RARB: variants seen among roughly 807,000 people sequenced by gnomAD.
The protein encoded by RARB is retinoic acid receptor beta.
In RARB, 17 loss-of-function variants were observed where a neutral mutation model predicts 51.9. That is an observed-to-expected ratio of 0.33 (90% CI 0.22 to 0.49). The LOEUF is 0.49. Among genes scored for constraint, RARB ranks in the 20% least tolerant of loss-of-function variants. RARB has a pLI of 0.99. For missense variants in RARB, 369 were observed against 550.8 expected (o/e 0.67, Z 3.30); for synonymous variants, 215 against 195.4 (o/e 1.10, Z -0.84).
At position 25,585,134 on chromosome 3, in the gene RARB, G is replaced by A. The variant is rs149490083; in HGVS notation, c.786+4412G>A. Among the ~76,000 whole-genome samples, 65 of 152,186 alleles carry A rather than the reference G, an allele frequency of 4.3e-4. No individual in the cohort carries two copies. The East Asian group carries it at 0.01, about 24-fold the overall frequency. ...TCCCTCTCTGAGCCTCAGTTGCCTC[G>A]TATTTACAATGAAGATGGCAATAGA... On this transcript the variant is annotated intron_variant, in intron 5 of 7. Transcript: ENST00000330688.
At chr3:25,439,309 TA>T (rs35024550) in intron 1 of RARB, among the ~76,000 whole-genome samples, 20,250 of 152,276 alleles carry the variant, frequency 0.13, 1,531 homozygotes, top group Admixed American at 0.22. Flanking sequence ...ATCCCAAACC[TA>T]AGTTAACCAT....
At chr3:25,517,707 G>A (rs1326323084) in intron 3 of RARB, among the ~76,000 whole-genome samples, 4 of 152,164 alleles carry the variant, frequency 2.6e-5, no homozygotes, top group Admixed American at 6.5e-5. Context: ...GCTCATAGAA[G>A]CATTATTCAT....
chr3:25,169,337 C>T (rs1339745006), intron 4 of RARB, among the ~76,000 whole-genome samples: 1 of 152,166 alleles, frequency 6.6e-6, no homozygotes, highest in Admixed American at 6.5e-5. Flanking sequence ...AGCCAATCAG[C>T]CCTGGAGCAG....
intron 2 of RARB, among the ~76,000 whole-genome samples, chr3:24,870,036 A>G (rs571243207): frequency 6.6e-6 from 1 of 152,030 alleles, no homozygotes; most frequent in African/African-American, 2.4e-5. Context: ...TTTACGCTGC[A>G]TTTTTCCATG....
chr3:25,129,323 T>C (rs1426474955), intron 3 of RARB, among the ~76,000 whole-genome samples: 1 of 152,120 alleles, frequency 6.6e-6, no homozygotes, highest in Admixed American at 6.6e-5. Flanking sequence ...ACAATATATA[T>C]TTTAAAGCAT....
intron 2 of RARB, among the ~76,000 whole-genome samples, chr3:24,893,769 C>G (rs1385261884): frequency 1.3e-5 from 2 of 152,032 alleles, no homozygotes; most frequent in Non-Finnish European, 2.9e-5. Flanking sequence ...AAGCAATCCT[C>G]CTACCTTAGT....
At chr3:25,223,827 C>T (rs758032993) in intron 5 of RARB, among the ~76,000 whole-genome samples, 2 of 152,180 alleles carry the variant, frequency 1.3e-5, no homozygotes, top group Non-Finnish European at 2.9e-5. Context: ...AGCACTATCA[C>T]CCGAGTATTT....
intron 5 of RARB, among the ~76,000 whole-genome samples, chr3:25,389,533 C>T (rs921996956): frequency 3.9e-5 from 6 of 152,180 alleles, no homozygotes; most frequent in Non-Finnish European, 7.3e-5. Context: ...TACAGTAATA[C>T]ATGCTGGTCA....
In RARB at chr3:25,574,806, C is replaced by T. The variant is rs113028689; in HGVS notation, c.609+4888C>T. ...GCACTTGTCATGGGTGGACTCGGTG[C>T]GCTTTTTGGAAACTAACATTTGCCA... is the stretch of plus-strand genomic sequence containing the variant. On this transcript the variant is annotated intron_variant, in intron 4 of 7. Transcript: ENST00000330688. Among the ~76,000 whole-genome samples, 419 of 152,128 alleles carry T rather than the reference C, an allele frequency of 2.8e-3. 3 individuals are homozygous for T. The highest frequency in any genetic ancestry group is 9.5e-3 in the African/African-American group (395 of 41,496).
intron 3 of RARB, among the ~76,000 whole-genome samples, chr3:25,111,551 T>C (rs929778338): frequency 3.3e-5 from 5 of 150,450 alleles, no homozygotes; most frequent in African/African-American, 1.2e-4. Context: ...AATTTAAGTC[T>C]CCTAGCTAAA....
At chr3:25,489,854 G>C (rs1018126340) in intron 2 of RARB, among the ~76,000 whole-genome samples, 4 of 152,208 alleles carry the variant, frequency 2.6e-5, no homozygotes, top group Non-Finnish European at 5.9e-5. Context: ...GGGGCAGGTG[G>C]GCTTTAAACC....
chr3:25,220,346 C>G (rs560856280), intron 5 of RARB, among the ~76,000 whole-genome samples: 1 of 152,162 alleles, frequency 6.6e-6, no homozygotes, highest in African/African-American at 2.4e-5. Flanking sequence ...TAAGTTATCA[C>G]ATGTCATTTG....
At chr3:25,024,511 C>A (rs994460231) in intron 2 of RARB, among the ~76,000 whole-genome samples, 3 of 152,132 alleles carry the variant, frequency 2.0e-5, no homozygotes, top group African/African-American at 7.2e-5. Context: ...AGATCAATTT[C>A]TATTTATCTT....
intron 5 of RARB, among the ~76,000 whole-genome samples, chr3:25,384,508 C>T (rs892908747): frequency 6.6e-6 from 1 of 152,214 alleles, no homozygotes; most frequent in Non-Finnish European, 1.5e-5. Context: ...GATGGCCCTG[C>T]ATCCCTGGGG....
At chr3:24,968,921 C>T (rs560590462) in intron 2 of RARB, among the ~76,000 whole-genome samples, 85 of 151,974 alleles carry the variant, frequency 5.6e-4, no homozygotes, top group Non-Finnish European at 5.7e-4. Flanking sequence ...AATCAATTCA[C>T]GTTTATTGAA....
chr3:25,070,379 C>A (rs558030865), intron 3 of RARB, among the ~76,000 whole-genome samples: 36 of 152,116 alleles, frequency 2.4e-4, no homozygotes, highest in African/African-American at 8.7e-4. Flanking sequence ...TGTAATTTAA[C>A]CCAAAACTGT....
At chr3:24,939,537 A>C (rs1695615782) in intron 2 of RARB, among the ~76,000 whole-genome samples, 1 of 152,224 alleles carries the variant, frequency 6.6e-6, no homozygotes, top group African/African-American at 2.4e-5. Context: ...GTTGGGTCAG[A>C]AAAAGGCAAA....
At chr3:25,328,610 G>A (rs1704795704) in intron 5 of RARB, among the ~76,000 whole-genome samples, 1 of 152,232 alleles carries the variant, frequency 6.6e-6, no homozygotes, top group Non-Finnish European at 1.5e-5. Context: ...CCCAGCATGA[G>A]CGACACAGAA....
At chr3:24,956,780 A>C (rs1696024861) in intron 2 of RARB, among the ~76,000 whole-genome samples, 1 of 152,182 alleles carries the variant, frequency 6.6e-6, no homozygotes, top group Admixed American at 6.5e-5. Context: ...TAGGAAGTGA[A>C]CTTAAGTCAA....
Sources: gnomAD v4.1 joint callset for allele counts (sites outside exome capture counted in the v4.1 genomes callset) on GRCh38, gnomAD v4.1.1 for gene constraint, MANE v1.5 for transcripts, NCBI Gene and HGNC (gene_info 2026-07-23, HGNC 2026-07-21) for gene names.